ATP11C: variants seen among roughly 807,000 people sequenced by gnomAD.
ATP11C encodes the protein ATPase phospholipid transporting 11C (ATP11C blood group), also known as phospholipid-transporting ATPase IG.
In ATP11C, 36 loss-of-function variants were observed where a neutral mutation model predicts 97.4. The observed-to-expected ratio is 0.37, with a 90% CI of 0.28 to 0.49. The LOEUF (loss-of-function observed/expected upper bound fraction) is 0.49, where lower values mean the gene tolerates loss of function less well. Ranked by LOEUF, ATP11C falls within the 20% of genes least tolerant of loss-of-function variation. The pLI, the probability that ATP11C is intolerant of heterozygous loss-of-function variation, is 0.98. For synonymous variants in ATP11C, 275 were observed against 290.9 expected, an observed-to-expected ratio of 0.95 and a Z score of 0.56; for missense variants, 730 against 824.6, an observed-to-expected ratio of 0.89 and a Z score of 1.40.
chrX:139,844,024 A>C (rs1003435494), intron 1 of ATP11C, among the ~76,000 whole-genome samples: 1 of 111,950 alleles, frequency 8.9e-6, no homozygotes, highest in African/African-American at 3.2e-5. Context: ...AATGAAAGAA[A>C]TTAACATTAA....
chrX:139,750,001 G>T, intron 24 of ATP11C, 24 bp downstream of exon 24: 1 of 1,181,603 alleles, frequency 8.5e-7, no homozygotes, highest in Non-Finnish European at 1.1e-6. Flanking sequence ...GTCTTAGGGG[G>T]TTTTAACTAT....
At position 139,794,864 on chromosome X, in the gene ATP11C, G is replaced by A. The variant is rs138982010; in HGVS notation, c.1206+1409C>T. Among the ~76,000 whole-genome samples the A allele has an allele frequency of 9.4e-3, 1,055 of 111,887 alleles. 17 individuals are homozygous for A. The highest frequency in any genetic ancestry group is 0.032 in the African/African-American group (979 of 30,813). On this transcript the variant is annotated intron_variant, in intron 12 of 29. Coordinates refer to ENST00000682941, the MANE Select transcript of ATP11C (RefSeq NM_001353812.2). ...AGTAGTTGAGGCTAGCCCCAAGCTA[G>A]TCATGCTCAACCTTGAGTAGGTTAA...
intron 1 of ATP11C, among the ~76,000 whole-genome samples, chrX:139,830,463 AGTAAGATTCCCCTTC>A (rs1480751997): frequency 8.9e-6 from 1 of 112,133 alleles, no homozygotes; most frequent in Non-Finnish European, 1.9e-5. Flanking sequence ...CTGCTCGCAA[AGTAAGATTCCCCTTC>A]GACAATTTAT....
At chrX:139,803,614 T>C (rs760427582) in intron 6 of ATP11C, among the ~76,000 whole-genome samples, 1 of 109,901 alleles carries the variant, frequency 9.1e-6, no homozygotes, top group Non-Finnish European at 1.9e-5. Context: ...GAGTTATAAT[T>C]TGTTATATGT....
intron 1 of ATP11C, among the ~76,000 whole-genome samples, chrX:139,898,461 A>G (rs2084845453): frequency 9.0e-6 from 1 of 111,525 alleles, no homozygotes. Context: ...ACTCTACCCA[A>G]ATGTTTTCAT....
chrX:139,918,038 C>G (rs760830609), intron 1 of ATP11C, among the ~76,000 whole-genome samples: 54 of 106,343 alleles, frequency 5.1e-4, no homozygotes, highest in Non-Finnish European at 8.3e-4. Context: ...GAAACTAGAA[C>G]CCTTAATGGG....
chrX:139,839,261 T>C lies in ATP11C; in HGVS notation c.28-12438A>G, dbSNP rs2147921291. ...GAGTAACTGTTTAATAAGTATGGAGTTTCCTTTTAAGGAGATAAAAATGTT... is the reference window on the plus strand; with the variant it reads ...GAGTAACTGTTTAATAAGTATGGAGCTTCCTTTTAAGGAGATAAAAATGTT... On this transcript the variant is annotated intron_variant, in intron 1 of 29. Transcript: ENST00000682941. 1.8e-5 allele frequency among the ~76,000 whole-genome samples: 2 copies of C among 111,261 alleles called. 1 individual carries two copies. Among genetic ancestry groups the C allele is most frequent in the South Asian group, 7.6e-4 (2 of 2,625 alleles).
intron 19 of ATP11C, among the ~76,000 whole-genome samples, chrX:139,771,691 G>A (rs1258876438): frequency 1.8e-5 from 2 of 111,888 alleles, no homozygotes; most frequent in Non-Finnish European, 3.8e-5. Flanking sequence ...TTAGCAGAGA[G>A]ACTGGTGGCA....
intron 25 of ATP11C, 86 bp downstream of exon 25, chrX:139,745,636 G>T: frequency 3.0e-6 from 3 of 990,276 alleles, no homozygotes; most frequent in Non-Finnish European, 4.1e-6. Context: ...TACAGCTAGA[G>T]TATGTATATG....
chrX:139,731,833 G>A, intron 28 of ATP11C, 78 bp from the exon 29 acceptor site: 2 of 616,660 alleles, frequency 3.2e-6, no homozygotes, highest in Admixed American at 3.4e-5. Flanking sequence ...TTAAAAAAAG[G>A]TAAAAGAAAA....
intron 1 of ATP11C, among the ~76,000 whole-genome samples, chrX:139,921,327 G>C (rs1056855181): frequency 9.9e-5 from 11 of 111,113 alleles, no homozygotes; most frequent in Admixed American, 8.6e-4. Context: ...TCTCGTGATA[G>C]TGAGTGAGTC....
intron 1 of ATP11C, among the ~76,000 whole-genome samples, chrX:139,915,396 G>T (rs927471731): frequency 4.5e-5 from 5 of 111,789 alleles, no homozygotes; most frequent in African/African-American, 1.6e-4. Context: ...TACACCTGGC[G>T]TAGTGGCTCA....
At chrX:139,753,814 AGAAAGG>A (rs899575311) in intron 23 of ATP11C, among the ~76,000 whole-genome samples, 7 of 111,068 alleles carry the variant, frequency 6.3e-5, no homozygotes, top group Admixed American at 1.9e-4. Context: ...AAGAAAGAAA[AGAAAGG>A]GAAAGGGAAA....
intron 1 of ATP11C, among the ~76,000 whole-genome samples, chrX:139,928,072 C>T (rs147684741): frequency 0.017 from 1,904 of 111,600 alleles, 31 homozygotes; most frequent in African/African-American, 0.058. Context: ...ACTCCAGCTG[C>T]GCAGGAAAAT....
chrX:139,833,713 C>T (rs1440110105), intron 1 of ATP11C, among the ~76,000 whole-genome samples: 1 of 110,543 alleles, frequency 9.0e-6, no homozygotes, highest in African/African-American at 3.3e-5. Context: ...AACATTCTTC[C>T]TACAGGGAAG....
chrX:139,883,103 T>C (rs1189683456), intron 1 of ATP11C, among the ~76,000 whole-genome samples: 1 of 111,861 alleles, frequency 8.9e-6, no homozygotes, highest in Non-Finnish European at 1.9e-5. Context: ...CCTCTATGTA[T>C]GCTTCCATCT....
intron 1 of ATP11C, among the ~76,000 whole-genome samples, chrX:139,866,043 T>C (rs2084276045): frequency 9.0e-6 from 1 of 110,748 alleles, no homozygotes. Flanking sequence ...TGACTATTAG[T>C]CCCATTTTAA....
At chrX:139,733,960 C>T (rs1280536419) in intron 28 of ATP11C, among the ~76,000 whole-genome samples, 1 of 110,889 alleles carries the variant, frequency 9.0e-6, no homozygotes, top group African/African-American at 3.3e-5. Context: ...AGCTAGCAAC[C>T]GGCAGTGGGG....
At chrX:139,787,034 T>C (rs2082587425) in intron 15 of ATP11C, 139 bp downstream of exon 15, 8 of 890,530 alleles carry the variant, frequency 9.0e-6, no homozygotes, top group Non-Finnish European at 1.1e-5. Context: ...ACCCCAACTA[T>C]ATTTACATAA....
Sources: gnomAD v4.1 joint callset for allele counts (sites outside exome capture counted in the v4.1 genomes callset) on GRCh38, gnomAD v4.1.1 for gene constraint, MANE v1.5 for transcripts, NCBI Gene and HGNC (gene_info 2026-07-23, HGNC 2026-07-21) for gene names.